The following CCSER1 variants were observed in gnomAD, a reference collection of about 807,000 sequenced individuals.
CCSER1 encodes the protein coiled-coil serine rich protein 1.
Under a neutral mutation model 82.0 loss-of-function variants are expected in CCSER1, and 41 were observed. The observed-to-expected ratio is 0.50, with a 90% CI of 0.39 to 0.65. CCSER1 has a LOEUF of 0.65. CCSER1 is among the 30% of genes least tolerant of loss of function. The pLI, the probability that CCSER1 is intolerant of heterozygous loss-of-function variation, is 0.00. For synonymous variants in CCSER1, 414 were observed against 383.9 expected (o/e 1.08, Z -0.92); for missense variants, 1,119 against 1,064.2 (o/e 1.05, Z -0.72).
chr4:90,350,660 C>T (rs974646973), intron 3 of CCSER1, among the ~76,000 whole-genome samples: 9 of 151,880 alleles, frequency 5.9e-5, no homozygotes, highest in African/African-American at 1.5e-4. Flanking sequence ...GAATATGTAA[C>T]GGAAGTAAAG....
At chr4:90,401,431 A>G (rs1266520463) in intron 4 of CCSER1, among the ~76,000 whole-genome samples, 7 of 152,264 alleles carry the variant, frequency 4.6e-5, no homozygotes, top group Non-Finnish European at 1.0e-4. Context: ...GCTCATCAAT[A>G]GGATACTTGT....
chr4:91,370,419 G>A (rs762284629), intron 10 of CCSER1, among the ~76,000 whole-genome samples: 23 of 151,992 alleles, frequency 1.5e-4, no homozygotes, highest in African/African-American at 4.1e-4. Context: ...ATGTTTTGCC[G>A]GGCATGGTGG....
At chr4:90,472,827 T>C (rs1229611665) in intron 5 of CCSER1, among the ~76,000 whole-genome samples, 1 of 152,094 alleles carries the variant, frequency 6.6e-6, no homozygotes, top group Non-Finnish European at 1.5e-5. Context: ...CTAAGTGCCC[T>C]CAACAGATGG....
intron 10 of CCSER1, among the ~76,000 whole-genome samples, chr4:91,139,253 A>G (rs1396173614): frequency 1.3e-5 from 2 of 151,576 alleles, no homozygotes; most frequent in East Asian, 3.9e-4. Flanking sequence ...TCCAAGGTGT[A>G]TATGTACCAC....
chr4:90,239,890 T>G (rs535190091), intron 1 of CCSER1, among the ~76,000 whole-genome samples: 28 of 152,216 alleles, frequency 1.8e-4, no homozygotes, highest in Non-Finnish European at 4.0e-4. Flanking sequence ...ACTAGTCCAC[T>G]TTGAAGAGGA....
In CCSER1 at chr4:90,553,217, C is replaced by A. The variant is rs1023767765; in HGVS notation, c.1725-74808C>A. ...CGATCTAACCTCGTGATCTACCTGC[C>A]TTGGCCCCACAAAGTGCTGGGATTA... On this transcript the variant is annotated intron_variant, in intron 5 of 10. Coordinates refer to ENST00000509176, the MANE Select transcript of CCSER1 (RefSeq NM_001145065.2). Among the ~76,000 whole-genome samples, 4 of 152,036 alleles carry A rather than the reference C, an allele frequency of 2.6e-5. No individual in the cohort carries two copies. The South Asian group carries it at 8.3e-4, about 32-fold the overall frequency.
intron 10 of CCSER1, among the ~76,000 whole-genome samples, chr4:91,239,116 C>T (rs1177259730): frequency 2.0e-5 from 3 of 150,482 alleles, no homozygotes; most frequent in Non-Finnish European, 3.0e-5. Context: ...TGAGCCACTG[C>T]GCCCGGCCTA....
intron 8 of CCSER1, among the ~76,000 whole-genome samples, chr4:90,854,611 C>T (rs942947176): frequency 2.6e-5 from 4 of 152,152 alleles, no homozygotes; most frequent in African/African-American, 9.7e-5. Context: ...ACTTTTCCAT[C>T]CTCCAAGACC....
At chr4:91,304,805 G>A (rs977910343) in intron 10 of CCSER1, among the ~76,000 whole-genome samples, 6 of 151,918 alleles carry the variant, frequency 3.9e-5, no homozygotes, top group Non-Finnish European at 5.9e-5. Context: ...ATAAAACTAC[G>A]TATGCCTTCT....
intron 10 of CCSER1, among the ~76,000 whole-genome samples, chr4:91,103,649 G>C (rs1725307623): frequency 6.6e-6 from 1 of 152,104 alleles, no homozygotes; most frequent in African/African-American, 2.4e-5. Context: ...TCTTATGCCT[G>C]TCTTTAATCT....
chr4:90,283,519 T>C (rs1383517160), intron 1 of CCSER1, among the ~76,000 whole-genome samples: 2 of 152,036 alleles, frequency 1.3e-5, no homozygotes, highest in Non-Finnish European at 2.9e-5. Flanking sequence ...TTAAGAACAT[T>C]ACAGTTCCAC....
chr4:91,110,370 G>T (rs1725996232), intron 10 of CCSER1, among the ~76,000 whole-genome samples: 1 of 151,872 alleles, frequency 6.6e-6, no homozygotes, highest in East Asian at 1.9e-4. Context: ...CTATAAAAAT[G>T]ATGACCTCAA....
In CCSER1 at chr4:91,309,313, A is replaced by G. The variant is rs80306950; in HGVS notation, c.2217+223319A>G. On this transcript the variant is annotated intron_variant, in intron 10 of 10. Transcript: ENST00000509176. ...ATTTAAAATAAAACCACCAACAACA[A>G]ATTCTTCAAGGAGGCCACTGATGAT... Among the ~76,000 whole-genome samples, 32 of 151,562 alleles carry G rather than the reference A, an allele frequency of 2.1e-4. 1 individual carries two copies. The East Asian group carries it at 6.1e-3, about 29-fold the overall frequency.
intron 6 of CCSER1, among the ~76,000 whole-genome samples, chr4:90,712,105 A>T (rs1482812351): frequency 6.6e-6 from 1 of 150,912 alleles, no homozygotes; most frequent in Non-Finnish European, 1.5e-5. Flanking sequence ...TAGCTCTTGG[A>T]TTTGTTGATT....
chr4:90,446,838 C>T (rs1369676481), intron 4 of CCSER1, among the ~76,000 whole-genome samples: 1 of 152,154 alleles, frequency 6.6e-6, no homozygotes, highest in Admixed American at 6.5e-5. Flanking sequence ...TCTTCCTTCT[C>T]AGCCTACTTA....
In CCSER1 at chr4:91,413,743, C is replaced by T. The variant is rs540783246; in HGVS notation, c.2218-184829C>T. 2.6e-5 allele frequency among the ~76,000 whole-genome samples: 4 copies of T among 152,090 alleles called. No individual in the cohort carries two copies. The South Asian group carries it at 6.2e-4, about 24-fold the overall frequency. On this transcript the variant is annotated intron_variant, in intron 10 of 10. Transcript: ENST00000509176. ...GATAAATTTAAAAAATCATCTAAGA[C>T]ACATTATAATCAAATTGTCAACAGT...
intron 7 of CCSER1, among the ~76,000 whole-genome samples, chr4:90,770,680 T>A (rs1751958879): frequency 6.6e-6 from 1 of 152,108 alleles, no homozygotes; most frequent in Non-Finnish European, 1.5e-5. Flanking sequence ...TCTACTGACT[T>A]TTTTTATGCC....
intron 4 of CCSER1, among the ~76,000 whole-genome samples, chr4:90,420,813 A>G (rs764937709): frequency 6.6e-6 from 1 of 152,118 alleles, no homozygotes; most frequent in Non-Finnish European, 1.5e-5. Context: ...AGGGCAGTCA[A>G]TGGCCCAAGT....
chr4:90,412,659 A>G (rs900479620), intron 4 of CCSER1, among the ~76,000 whole-genome samples: 3 of 152,182 alleles, frequency 2.0e-5, no homozygotes, highest in Admixed American at 6.5e-5. Flanking sequence ...CACATATCAC[A>G]TGATCATCTC....
Sources: gnomAD v4.1 joint callset for allele counts (sites outside exome capture counted in the v4.1 genomes callset) on GRCh38, gnomAD v4.1.1 for gene constraint, MANE v1.5 for transcripts, NCBI Gene and HGNC (gene_info 2026-07-23, HGNC 2026-07-21) for gene names.